Variants in TNKS observed in about 807,000 individuals in gnomAD.
TNKS encodes tankyrase, also known as poly [ADP-ribose] polymerase tankyrase-1.
A neutral mutation model predicts 135.8 loss-of-function variants in TNKS; 72 were observed. The observed-to-expected ratio is 0.53, with a 90% CI of 0.44 to 0.64. TNKS has a LOEUF of 0.64. Ranked by LOEUF, TNKS falls within the 30% of genes least tolerant of loss-of-function variation. TNKS has a pLI of 0.00. For synonymous variants in TNKS, 849 were observed against 649.3 expected, an observed-to-expected ratio of 1.31 and a Z score of -4.68; for missense variants, 1,769 against 1,674.0, an observed-to-expected ratio of 1.06 and a Z score of -0.99.
chr8:9,631,914 A>G (rs573237165), intron 3 of TNKS, among the ~76,000 whole-genome samples: 91 of 152,314 alleles, frequency 6.0e-4, no homozygotes, highest in African/African-American at 2.1e-3. Flanking sequence ...ATGGGGAAAG[A>G]GGAGATTAAC....
chr8:9,681,396 A>G (rs975587773), intron 5 of TNKS, among the ~76,000 whole-genome samples: 1 of 152,156 alleles, frequency 6.6e-6, no homozygotes, highest in Non-Finnish European at 1.5e-5. Context: ...TATATAAAAT[A>G]TACAGCTGGC....
At chr8:9,592,550 T>A (rs558291463) in intron 2 of TNKS, among the ~76,000 whole-genome samples, 42 of 152,244 alleles carry the variant, frequency 2.8e-4, no homozygotes, top group African/African-American at 9.9e-4. Context: ...AGCCACAGGA[T>A]GAGGTGCCAG....
chr8:9,760,294 C>T (rs988901338), intron 20 of TNKS, among the ~76,000 whole-genome samples: 8 of 152,004 alleles, frequency 5.3e-5, no homozygotes, highest in South Asian at 2.1e-4. Context: ...GTGAATTGCC[C>T]GCTTTGTGCA....
At chr8:9,619,629 GCA>G (rs1225868986) in intron 3 of TNKS, among the ~76,000 whole-genome samples, 1 of 152,112 alleles carries the variant, frequency 6.6e-6, no homozygotes, top group Non-Finnish European at 1.5e-5. Context: ...TGGATTCATT[GCA>G]CTTCTGTGGA....
intron 17 of TNKS, among the ~76,000 whole-genome samples, chr8:9,742,037 G>A (rs778226500): frequency 2.0e-4 from 31 of 152,058 alleles, no homozygotes; most frequent in Non-Finnish European, 2.2e-4. Context: ...ACTTACTGAG[G>A]TGAGAATGAT....
Position 9,730,681 on chromosome 8 carries a change from A to C in TNKS, c.2002-209A>C, listed in dbSNP as rs570282170. Among the ~76,000 whole-genome samples the C allele has an allele frequency of 2.0e-5, 3 of 152,346 alleles. No individual in the cohort carries two copies. The South Asian group carries it at 6.2e-4, about 32-fold the overall frequency. On this transcript the variant is annotated intron_variant, in intron 13 of 26. Transcript: ENST00000310430. Reference sequence around the variant, plus strand: ...GGTTGGGAAATGTTGAAAAACATTAATTTGCTCTGTACATAATAAAAAATA... The same window carrying C: ...GGTTGGGAAATGTTGAAAAACATTACTTTGCTCTGTACATAATAAAAAATA...
chr8:9,697,254 A>C (rs964642933), intron 5 of TNKS, among the ~76,000 whole-genome samples: 1 of 152,214 alleles, frequency 6.6e-6, no homozygotes, highest in Non-Finnish European at 1.5e-5. Context: ...CCATATGCAG[A>C]AGAATGAAAT....
At chr8:9,715,366 G>T (rs199859287) in intron 11 of TNKS, among the ~76,000 whole-genome samples, 5 of 82,814 alleles carry the variant, frequency 6.0e-5, no homozygotes, top group South Asian at 4.0e-4. Context: ...CAGCAGGGGG[G>T]GCGGGTATGA....
intron 5 of TNKS, among the ~76,000 whole-genome samples, chr8:9,682,028 C>T (rs891378146): frequency 1.3e-5 from 2 of 152,062 alleles, no homozygotes; most frequent in Non-Finnish European, 2.9e-5. Context: ...ATTAGTTACT[C>T]TTGGGAAGTG....
chr8:9,655,978 G>T lies in TNKS; in HGVS notation c.995-23973G>T, dbSNP rs1435906305. Among the ~76,000 whole-genome samples the T allele has an allele frequency of 2.6e-5, 4 of 152,090 alleles. No homozygotes were observed. In the East Asian group the frequency reaches 7.7e-4, roughly 29 times the overall value. On this transcript the variant is annotated intron_variant, in intron 3 of 26. Coordinates refer to ENST00000310430, the MANE Select transcript of TNKS (RefSeq NM_003747.3). The stretch of plus-strand genomic sequence containing the variant: ...GGAGGAGGTTTGAACCGATGGCAAA[G>T]AAGTTAAAAACCTTGAAAAAAAATT...
chr8:9,754,192 A>T (rs1254185688), intron 20 of TNKS, among the ~76,000 whole-genome samples: 1 of 152,200 alleles, frequency 6.6e-6, no homozygotes, highest in Non-Finnish European at 1.5e-5. Flanking sequence ...TGGGGATTAG[A>T]ACATAGACGT....
intron 2 of TNKS, among the ~76,000 whole-genome samples, chr8:9,602,117 G>A (rs989265511): frequency 4.6e-5 from 7 of 152,082 alleles, no homozygotes; most frequent in African/African-American, 1.7e-4. Flanking sequence ...GGTAAGGGGT[G>A]CTGTTAAACA....
At chr8:9,621,398 G>A (rs182266872) in intron 3 of TNKS, among the ~76,000 whole-genome samples, 11 of 151,242 alleles carry the variant, frequency 7.3e-5, no homozygotes, top group African/African-American at 2.2e-4. Flanking sequence ...TCCACCTCCT[G>A]GGTTCAAGCG....
chr8:9,606,020 G>A (rs996543556), intron 2 of TNKS, among the ~76,000 whole-genome samples: 2 of 151,594 alleles, frequency 1.3e-5, no homozygotes, highest in Non-Finnish European at 2.9e-5. Context: ...GCATCCCGAG[G>A]TCATGAAGAT....
intron 3 of TNKS, among the ~76,000 whole-genome samples, chr8:9,657,643 G>T (rs1162280847): frequency 7.2e-5 from 6 of 83,856 alleles, no homozygotes; most frequent in Admixed American, 2.0e-4. Context: ...GGCTGGCCGG[G>T]TGGGGGGGCT....
At position 9,777,538 on chromosome 8, in the gene TNKS, C is replaced by A. The variant is rs1800650528; in HGVS notation, c.*802C>A. 6.6e-6 allele frequency: 1 copy of A among 152,156 alleles called. No homozygotes were observed. The highest frequency in any genetic ancestry group is 6.5e-5 in the Admixed American group (1 of 15,272). 9.4% of individuals were successfully genotyped at this position (152,156 alleles called of 1,614,324 possible). The stretch of plus-strand genomic sequence containing the variant: ...CTTGCTCTTTCCAACACAAGCCTGC[C>A]ACAGAGGTCTTCGGGACAGTACTGG... On this transcript the variant is annotated 3_prime_UTR_variant, in exon 27 of 27. Coordinates refer to ENST00000310430, the MANE Select transcript of TNKS (RefSeq NM_003747.3).
chr8:9,672,712 A>ACACAC (rs1554466579), intron 3 of TNKS, among the ~76,000 whole-genome samples: 1,900 of 82,736 alleles, frequency 0.023, 15 homozygotes, highest in South Asian at 0.076. Flanking sequence ...ACACACACAC[A>ACACAC]AAAAAAAAAA....
At chr8:9,560,668 G>T (rs563657850) in intron 1 of TNKS, among the ~76,000 whole-genome samples, 1 of 151,842 alleles carries the variant, frequency 6.6e-6, no homozygotes, top group South Asian at 2.1e-4. Flanking sequence ...TCGTTGCCTG[G>T]CAAGATCCTT....
intron 23 of TNKS, 45 bp from the exon 24 acceptor site, chr8:9,765,647 A>G: frequency 2.0e-6 from 3 of 1,487,050 alleles, no homozygotes; most frequent in Non-Finnish European, 2.8e-6. Flanking sequence ...TAAATCATAA[A>G]TGCACGTTTC....
Sources: allele counts gnomAD v4.1 joint callset (sites outside exome capture counted in the v4.1 genomes callset), GRCh38; gene constraint gnomAD v4.1.1; transcripts MANE v1.5; gene names NCBI Gene and HGNC (gene_info 2026-07-23, HGNC 2026-07-21).